Variants in LAMA3 observed in about 807,000 individuals in gnomAD.
The protein encoded by LAMA3 is laminin subunit alpha 3.
LAMA3 carries 281 observed loss-of-function variants against 402.0 expected under a neutral mutation model. That is an observed-to-expected ratio of 0.70 (90% CI 0.63 to 0.77). The LOEUF is 0.77. Ranked by LOEUF, LAMA3 falls within the 30% of genes least tolerant of loss-of-function variation. The pLI is 0.00. For missense variants in LAMA3, 3,840 were observed against 4,215.5 expected (o/e 0.91, Z 2.47); for synonymous variants, 1,431 against 1,558.4 (o/e 0.92, Z 1.93).
At chr18:23,954,401 T>TCA in intron 74 of LAMA3, 102 bp from the exon 75 acceptor site, 1 of 678,850 alleles carries the variant, frequency 1.5e-6, no homozygotes, top group Non-Finnish European at 2.3e-6. Context: ...GGACCCTGTC[T>TCA]AAAAAAAAAA....
chr18:23,889,717 G>C (rs892754565), intron 41 of LAMA3, among the ~76,000 whole-genome samples: 6 of 128,896 alleles, frequency 4.7e-5, no homozygotes, highest in Non-Finnish European at 1.0e-4. Flanking sequence ...AGGGAGGAAG[G>C]AAGGAAGAAA....
At chr18:23,859,741 T>C (rs1461721933) in intron 34 of LAMA3, among the ~76,000 whole-genome samples, 2 of 152,156 alleles carry the variant, frequency 1.3e-5, no homozygotes, top group African/African-American at 4.8e-5. Flanking sequence ...GTTTTTTGTT[T>C]GTTTGTTTGT....
chr18:23,851,533 G>A (rs1373648895), intron 32 of LAMA3, among the ~76,000 whole-genome samples: 4 of 152,166 alleles, frequency 2.6e-5, no homozygotes, highest in Admixed American at 6.5e-5. Context: ...TATCCTCTGT[G>A]AACACACTGA....
intron 38 of LAMA3, 32 bp from the exon 39 acceptor site, chr18:23,876,262 T>C: frequency 7.2e-7 from 1 of 1,390,836 alleles, no homozygotes; most frequent in Middle Eastern, 1.8e-4. Context: ...TTTCTTTCTT[T>C]GTATTGATTA....
intron 8 of LAMA3, among the ~76,000 whole-genome samples, chr18:23,771,012 T>TA (rs142048285): frequency 0.058 from 8,887 of 152,018 alleles, 571 homozygotes; most frequent in Admixed American, 0.18. Context: ...AACGGCCATT[T>TA]AAAAAAAATA....
At position 23,784,244 on chromosome 18, in the gene LAMA3, G is replaced by A. The variant is rs1166144409; in HGVS notation, c.1603+87G>A. 30 of 1,534,102 alleles carry A rather than the reference G, an allele frequency of 2.0e-5. 1 individual carries two copies. In the Admixed American group the frequency reaches 3.8e-4, roughly 20 times the overall value. ...AAATGCAGATCTTTCTGGCAGAGCT[G>A]TCTGGCTTGCAGTTTAATAAATGGG... On this transcript the variant is annotated intron_variant, in intron 12 of 74. Transcript: ENST00000313654.
At chr18:23,899,488 C>T in intron 47 of LAMA3, 33 bp downstream of exon 47, 1 of 1,607,106 alleles carries the variant, frequency 6.2e-7, no homozygotes. Context: ...GCATCCAGTC[C>T]ATTCTAATTG....
Position 23,954,782 on chromosome 18 carries a change from A to T in LAMA3, c.*134A>T. The T allele has an allele frequency of 1.1e-6, 1 of 913,532 alleles. No individual in the cohort carries two copies. The highest frequency in any genetic ancestry group is 1.8e-6 in the Non-Finnish European group (1 of 562,342). 56.6% of individuals were successfully genotyped at this position (913,532 alleles called of 1,614,324 possible). ...GGTTTAATAGCGAATCTAATTTTGA[A>T]TTCTGACCATGGATACCCATCACTT... is the stretch of plus-strand genomic sequence containing the variant. On this transcript the variant is annotated 3_prime_UTR_variant, in exon 75 of 75. Transcript: ENST00000313654.
intron 13 of LAMA3, among the ~76,000 whole-genome samples, chr18:23,811,648 G>A (rs1419422947): frequency 2.0e-5 from 3 of 152,136 alleles, no homozygotes; most frequent in Admixed American, 6.5e-5. Flanking sequence ...AGAGGAACCC[G>A]AGGTTGGGCA....
intron 59 of LAMA3, among the ~76,000 whole-genome samples, chr18:23,916,049 AAAAAG>A (rs59727231): frequency 1.7e-3 from 32 of 18,974 alleles, no homozygotes; most frequent in Non-Finnish European, 4.3e-3. Flanking sequence ...AAAGAAAAAG[AAAAAG>A]AAAAGAAAAG....
At chr18:23,900,176 TTCTCATGCC>T (rs2081022545) in intron 47 of LAMA3, among the ~76,000 whole-genome samples, 1 of 152,008 alleles carries the variant, frequency 6.6e-6, no homozygotes, top group Non-Finnish European at 1.5e-5. Context: ...GTTCAAGCGG[TTCTCATGCC>T]TCAGACTGAG....
At chr18:23,721,685 C>T (rs1490387987) in intron 2 of LAMA3, among the ~76,000 whole-genome samples, 2 of 152,136 alleles carry the variant, frequency 1.3e-5, no homozygotes, top group Non-Finnish European at 2.9e-5. Context: ...ATGTCTTGTG[C>T]CGTATTATCT....
At chr18:23,929,697 G>A (rs2082107738) in intron 64 of LAMA3, among the ~76,000 whole-genome samples, 1 of 152,200 alleles carries the variant, frequency 6.6e-6, no homozygotes, top group African/African-American at 2.4e-5. Flanking sequence ...TTGCTCACCA[G>A]TCCTTGAGGT....
intron 11 of LAMA3, among the ~76,000 whole-genome samples, chr18:23,780,082 G>A (rs868752317): frequency 6.6e-6 from 1 of 152,134 alleles, no homozygotes; most frequent in Non-Finnish European, 1.5e-5. Context: ...TGCCAGTAAC[G>A]GAGAATTTAA....
chr18:23,700,309 A>G (rs2060768825), intron 1 of LAMA3, among the ~76,000 whole-genome samples: 1 of 152,136 alleles, frequency 6.6e-6, no homozygotes, highest in Non-Finnish European at 1.5e-5. Flanking sequence ...TTCCTGTAAC[A>G]GTAACATGCC....
At chr18:23,734,241 A>C (rs1347280818) in intron 2 of LAMA3, among the ~76,000 whole-genome samples, 1 of 152,206 alleles carries the variant, frequency 6.6e-6, no homozygotes, top group Admixed American at 6.5e-5. Context: ...GTCTCCTTTC[A>C]GGCTCAGGGT....
chr18:23,919,150 A>G (rs1476216793), intron 60 of LAMA3, among the ~76,000 whole-genome samples: 4 of 152,236 alleles, frequency 2.6e-5, no homozygotes, highest in Non-Finnish European at 4.4e-5. Context: ...CATGACTCTC[A>G]GTAAATTGGT....
chr18:23,699,286 A>C (rs747547742), intron 1 of LAMA3, among the ~76,000 whole-genome samples: 2 of 152,216 alleles, frequency 1.3e-5, no homozygotes, highest in Non-Finnish European at 2.9e-5. Context: ...GTCTTTCTAG[A>C]ATTTATACAT....
At chr18:23,836,140 C>T (rs1406116609) in intron 24 of LAMA3, among the ~76,000 whole-genome samples, 2 of 150,540 alleles carry the variant, frequency 1.3e-5, no homozygotes, top group Non-Finnish European at 3.0e-5. Flanking sequence ...CACACACACA[C>T]ACTCACATAG....
Sources: gnomAD v4.1 joint callset for allele counts (sites outside exome capture counted in the v4.1 genomes callset) on GRCh38, gnomAD v4.1.1 for gene constraint, MANE v1.5 for transcripts, NCBI Gene and HGNC (gene_info 2026-07-23, HGNC 2026-07-21) for gene names.